Variants in CAPN2 observed in about 807,000 individuals in gnomAD.
CAPN2 encodes calpain-2 catalytic subunit.
CAPN2 carries 92 observed loss-of-function variants against 102.3 expected under a neutral mutation model. That is an observed-to-expected ratio of 0.90 (90% CI 0.76 to 1.07). CAPN2 has a LOEUF of 1.07. CAPN2 is among the 50% of genes least tolerant of loss of function. The pLI is 0.00. For synonymous variants in CAPN2, 340 were observed against 355.4 expected (o/e 0.96, Z 0.49); for missense variants, 800 against 909.4 (o/e 0.88, Z 1.55).
intron 1 of CAPN2, among the ~76,000 whole-genome samples, chr1:223,714,879 G>A (rs1054717639): frequency 1.3e-5 from 2 of 152,258 alleles, no homozygotes; most frequent in Non-Finnish European, 2.9e-5. Flanking sequence ...GGGACTTCCA[G>A]ATGAGGATGT....
chr1:223,767,925 T>A (rs1661378046), intron 16 of CAPN2, among the ~76,000 whole-genome samples: 1 of 150,860 alleles, frequency 6.6e-6, no homozygotes, highest in Non-Finnish European at 1.5e-5. Context: ...TTGATTTGCA[T>A]TTCTCTGATG....
chr1:223,712,414 C>A (rs1364286636), upstream of CAPN2: 3 of 1,073,746 alleles, frequency 2.8e-6, no homozygotes, highest in Non-Finnish European at 3.4e-6. Context: ...TCCCGGCGCT[C>A]GGCAGGCCGC....
chr1:223,770,540 C>A lies in CAPN2; in HGVS notation c.1903+15C>A. On this transcript the variant is annotated intron_variant, in intron 18 of 20. Coordinates refer to ENST00000295006, the MANE Select transcript of CAPN2 (RefSeq NM_001748.5). ...AGAAGAAGCAGGTAACCCTTTATAACTGCATTTTCGTTCCTAGTTTAATCT... is the reference window on the plus strand; with the variant it reads ...AGAAGAAGCAGGTAACCCTTTATAAATGCATTTTCGTTCCTAGTTTAATCT... The A allele has an allele frequency of 1.1e-5, 17 of 1,579,298 alleles. No individual in the cohort carries two copies. Among genetic ancestry groups the A allele is most frequent in the Non-Finnish European group, 1.5e-5 (17 of 1,148,644 alleles).
In CAPN2 at chr1:223,759,924, C is replaced by T. The variant is rs145056091; in HGVS notation, c.1529+443C>T. On this transcript the variant is annotated intron_variant, in intron 12 of 20. Coordinates refer to ENST00000295006, the MANE Select transcript of CAPN2 (RefSeq NM_001748.5). The surrounding 1 kb of genome is among the most constrained non-coding windows in gnomAD (Gnocchi z 4.6). ...TCAACGGTTCCCACCTCCAGAACCT[C>T]TCCCTATTATAGTTGTCATGTCACC... Among the ~76,000 whole-genome samples the T allele has an allele frequency of 6.6e-6, 1 of 152,214 alleles. No homozygotes were observed. Among genetic ancestry groups the T allele is most frequent in the African/African-American group, 2.4e-5 (1 of 41,528 alleles).
At chr1:223,769,497 C>A (rs1158684030) in intron 16 of CAPN2, among the ~76,000 whole-genome samples, 1 of 152,060 alleles carries the variant, frequency 6.6e-6, no homozygotes, top group Non-Finnish European at 1.5e-5. Flanking sequence ...CTTAGATATA[C>A]TCCACATACT....
chr1:223,766,218 A>C, intron 15 of CAPN2, 149 bp from the exon 16 acceptor site: 1 of 648,402 alleles, frequency 1.5e-6, no homozygotes, highest in East Asian at 2.7e-5. Context: ...CCAGTCTGGT[A>C]GTCACTAGCC....
intron 7 of CAPN2, among the ~76,000 whole-genome samples, chr1:223,751,248 C>G (rs1380240889): frequency 6.6e-6 from 1 of 152,140 alleles, no homozygotes; most frequent in African/African-American, 2.4e-5. Context: ...CCTTCCCTAG[C>G]TCAAATCCAC....
chr1:223,713,060 G>A (rs2102771193), intron 1 of CAPN2, among the ~76,000 whole-genome samples, 183 bp downstream of exon 1: 1 of 152,338 alleles, frequency 6.6e-6, no homozygotes, highest in African/African-American at 2.4e-5. Flanking sequence ...TTCGAGCGTG[G>A]GGGGACTCCC....
chr1:223,771,274 A>G (rs1661462476), intron 18 of CAPN2: 1 of 153,564 alleles, frequency 6.5e-6, no homozygotes, highest in South Asian at 2.1e-4. Flanking sequence ...CTTTAAGGGC[A>G]CACAGGCCAT....
At chr1:223,729,948 G>A (rs930968782) in intron 2 of CAPN2, among the ~76,000 whole-genome samples, 4 of 139,600 alleles carry the variant, frequency 2.9e-5, no homozygotes, top group Admixed American at 8.0e-5. Context: ...GTTGCAGTGA[G>A]CCAGGATTGC....
upstream of CAPN2, chr1:223,712,326 C>T: frequency 4.3e-6 from 2 of 465,802 alleles, no homozygotes; most frequent in Non-Finnish European, 5.7e-6. Flanking sequence ...GACCGCGATT[C>T]GCGAGCCTCC....
At chr1:223,770,420 T>C (rs369794600) in intron 17 of CAPN2, 27 bp from the exon 18 acceptor site, 1 of 1,573,488 alleles carries the variant, frequency 6.4e-7, no homozygotes, top group Non-Finnish European at 8.7e-7. Flanking sequence ...TGGGTCATAG[T>C]TCTTACAGCT....
chr1:223,764,252 G>A (rs1309013500), intron 15 of CAPN2, 45 bp downstream of exon 15: 2 of 1,512,820 alleles, frequency 1.3e-6, no homozygotes, highest in Non-Finnish European at 1.8e-6. Context: ...TCTTTCCCCT[G>A]TGGATGGGAG....
chr1:223,762,152 T>G, intron 13 of CAPN2, 34 bp from the exon 14 acceptor site: 1 of 1,589,744 alleles, frequency 6.3e-7, no homozygotes, highest in Non-Finnish European at 8.6e-7. Context: ...TGCCTCGCTC[T>G]GATGCATTCT....
At chr1:223,761,743 C>T in intron 13 of CAPN2, 126 bp downstream of exon 13, 1 of 784,694 alleles carries the variant, frequency 1.3e-6, no homozygotes, top group Non-Finnish European at 2.1e-6. Flanking sequence ...AAGCCGGGTA[C>T]TGGGAATCCA....
chr1:223,771,685 C>T, intron 18 of CAPN2, 124 bp from the exon 19 acceptor site: 1 of 707,652 alleles, frequency 1.4e-6, no homozygotes, highest in Non-Finnish European at 2.5e-6. Flanking sequence ...CACAGAAGAG[C>T]AGCCAAGGGA....
chr1:223,747,411 T>C (rs544997312), intron 5 of CAPN2, among the ~76,000 whole-genome samples: 2 of 152,326 alleles, frequency 1.3e-5, no homozygotes, highest in South Asian at 4.1e-4. Flanking sequence ...CACAAGAGAT[T>C]TCCCTACCAC....
At chr1:223,766,496 T>TCAAA (rs1283175091) in intron 16 of CAPN2, 65 bp downstream of exon 16, 3 of 1,234,188 alleles carry the variant, frequency 2.4e-6, no homozygotes, top group East Asian at 4.7e-5. Flanking sequence ...CCAGAAAGAT[T>TCAAA]CAAACACATG....
At chr1:223,764,954 G>A (rs77437979) in intron 15 of CAPN2, among the ~76,000 whole-genome samples, 1 of 152,206 alleles carries the variant, frequency 6.6e-6, no homozygotes, top group East Asian at 1.9e-4. Context: ...ACCCCTTACT[G>A]TGGATCACCA....
Sources: allele counts gnomAD v4.1 joint callset (sites outside exome capture counted in the v4.1 genomes callset), GRCh38; gene constraint gnomAD v4.1.1; non-coding constraint Gnocchi (gnomAD v3.1); transcripts MANE v1.5; gene names NCBI Gene and HGNC (gene_info 2026-07-23, HGNC 2026-07-21).